Variants in RC3H1 observed in about 807,000 individuals in gnomAD.
RC3H1 encodes roquin-1.
A neutral mutation model predicts 138.2 loss-of-function variants in RC3H1; 50 were observed. That is an observed-to-expected ratio of 0.36 (90% CI 0.29 to 0.46). The LOEUF is 0.46. RC3H1 is among the 20% of genes least tolerant of loss of function. The pLI is 1.00. For synonymous variants in RC3H1, 462 were observed against 489.1 expected (o/e 0.94, Z 0.73); for missense variants, 1,031 against 1,388.1 (o/e 0.74, Z 4.09).
At chr1:173,944,139 C>T (rs1157185483) in intron 17 of RC3H1, among the ~76,000 whole-genome samples, 2 of 149,288 alleles carry the variant, frequency 1.3e-5, no homozygotes, top group Non-Finnish European at 3.0e-5. Flanking sequence ...ACTCCATGCA[C>T]TCCAGCCTGG....
chr1:173,956,130 CAA>C (rs552947734), intron 13 of RC3H1, among the ~76,000 whole-genome samples: 10 of 86,352 alleles, frequency 1.2e-4, no homozygotes, highest in Non-Finnish European at 1.9e-4. Flanking sequence ...GAGTCTGTCT[CAA>C]AAAAAAAAAA....
At chr1:173,956,158 A>G (rs1659640189) in intron 13 of RC3H1, among the ~76,000 whole-genome samples, 1 of 151,310 alleles carries the variant, frequency 6.6e-6, no homozygotes, top group African/African-American at 2.4e-5. Flanking sequence ...AAAAAAAAAG[A>G]AAAGAAAATT....
chr1:173,974,769 A>G (rs1557937597), intron 7 of RC3H1, among the ~76,000 whole-genome samples: 1 of 152,158 alleles, frequency 6.6e-6, no homozygotes, highest in East Asian at 1.9e-4. Context: ...GTTGATAGAA[A>G]GCCACAGGAG....
At chr1:173,945,060 T>C (rs1659074603) in intron 17 of RC3H1, among the ~76,000 whole-genome samples, 1 of 152,122 alleles carries the variant, frequency 6.6e-6, no homozygotes, top group Non-Finnish European at 1.5e-5. Flanking sequence ...TGTTCCAACG[T>C]AAAGGATGAT....
At chr1:173,993,918 G>A (rs1245343665) in intron 1 of RC3H1, among the ~76,000 whole-genome samples, 1 of 150,154 alleles carries the variant, frequency 6.7e-6, no homozygotes, top group Non-Finnish European at 1.5e-5. Flanking sequence ...TACTCAGGAG[G>A]CTGAGGCGGG....
At chr1:173,947,769 G>T (rs1344806418) in intron 14 of RC3H1, among the ~76,000 whole-genome samples, 187 bp from the exon 15 acceptor site, 1 of 152,056 alleles carries the variant, frequency 6.6e-6, no homozygotes, top group Non-Finnish European at 1.5e-5. Flanking sequence ...GGGCGACAGG[G>T]TCTCACACCG....
At position 173,984,515 on chromosome 1, in the gene RC3H1, C is replaced by A. The variant is rs750773386; in HGVS notation, c.336G>T (p.Pro112=). Residue 112 remains proline (P), a synonymous_variant, in exon 3 of 20, where the codon CCG becomes CCT. Coordinates refer to ENST00000367696, the MANE Select transcript of RC3H1 (RefSeq NM_172071.4). The part of the protein sequence containing the change: ...CVEELALYLK[P]LSSARGVGLN... The stretch of plus-strand genomic sequence containing the variant: ...CAAACTTACCTCTAGCACTGCTGAG[C>A]GGTTTTAAGTACAATGCTAATTCTT... 2 of 1,613,166 alleles carry A rather than the reference C, an allele frequency of 1.2e-6. No individual in the cohort carries two copies. The highest frequency in any genetic ancestry group is 1.7e-6 in the Non-Finnish European group (2 of 1,179,658).
rs1347398184 is a variant in RC3H1 at position 173,931,963 on chromosome 1, G to A, written c.*6758C>T. 3 of 151,462 alleles carry A rather than the reference G, an allele frequency of 2.0e-5. No homozygotes were observed. The highest frequency in any genetic ancestry group is 6.6e-5 in the Admixed American group (1 of 15,222). 9.4% of individuals were successfully genotyped at this position (151,462 alleles called of 1,614,324 possible). ...AGGCAAGAAAGAATAGGGAGCTGTG[G>A]CAATAAAAAAACAAAAAAATGCAAG... On this transcript the variant is annotated 3_prime_UTR_variant, in exon 20 of 20. Transcript: ENST00000367696.
rs182640761 is a variant in RC3H1 at position 173,931,254 on chromosome 1, A to G, written c.*7467T>C. On this transcript the variant is annotated 3_prime_UTR_variant, in exon 20 of 20. Coordinates refer to ENST00000367696, the MANE Select transcript of RC3H1 (RefSeq NM_172071.4). ...TCATTTAATATAAATGCTGACAGAA[A>G]GCAGATAAAGACCTTGTAGACATTT... 6.6e-6 allele frequency: 1 copy of G among 152,346 alleles called. No individual in the cohort carries two copies. Among genetic ancestry groups the G allele is most frequent in the East Asian group, 1.9e-4 (1 of 5,192 alleles). 9.4% of individuals were successfully genotyped at this position (152,346 alleles called of 1,614,324 possible).
At chr1:173,967,854 T>C (rs937345718) in intron 9 of RC3H1, among the ~76,000 whole-genome samples, 38 of 152,086 alleles carry the variant, frequency 2.5e-4, no homozygotes, top group African/African-American at 8.9e-4. Flanking sequence ...AAAAAATCTT[T>C]TCCTTCTTTC....
At chr1:173,978,771 C>T (rs1660683779) in intron 6 of RC3H1, 151 bp from the exon 7 acceptor site, 3 of 765,398 alleles carry the variant, frequency 3.9e-6, no homozygotes, top group Non-Finnish European at 6.0e-6. Flanking sequence ...TTACTTGCTA[C>T]CCAAATAAAT....
chr1:173,955,201 A>T (rs1321543578), intron 13 of RC3H1, among the ~76,000 whole-genome samples: 1 of 137,704 alleles, frequency 7.3e-6, no homozygotes, highest in African/African-American at 2.7e-5. Flanking sequence ...ACTCCAGCCC[A>T]GACGACAGTG....
chr1:173,945,167 A>C (rs934397603), intron 17 of RC3H1, among the ~76,000 whole-genome samples: 5 of 148,864 alleles, frequency 3.4e-5, no homozygotes, highest in Non-Finnish European at 5.9e-5. Context: ...TCTGTCACTC[A>C]GGCTGGAGTG....
At chr1:173,958,502 C>T (rs1325262460) in intron 13 of RC3H1, among the ~76,000 whole-genome samples, 2 of 151,582 alleles carry the variant, frequency 1.3e-5, no homozygotes, top group Non-Finnish European at 2.9e-5. Context: ...GCCGAGATCG[C>T]ACCACTGCAC....
In RC3H1 at chr1:174,017,820, T is replaced by C. The variant is rs544378203; in HGVS notation, c.-151+4276A>G. Among the ~76,000 whole-genome samples, 75 of 122,588 alleles carry C rather than the reference T, an allele frequency of 6.1e-4. 1 individual carries two copies. Among genetic ancestry groups the C allele is most frequent in the African/African-American group, 2.8e-3 (73 of 25,824 alleles). The allele number at this position is 122,588 out of a possible 152,430, so 80.4% of individuals were successfully genotyped here. A position where few individuals can be genotyped will look rare whatever the true frequency, so the allele number is the denominator to read the frequency against. On this transcript the variant is annotated intron_variant, in intron 1 of 19. Transcript: ENST00000367696. ...AAAAAAAAAAAAAAAACTGCTACCA[T>C]GTTCAAATGCTATTTAGATCTTGGA...
intron 2 of RC3H1, among the ~76,000 whole-genome samples, chr1:173,990,423 T>C (rs1661225119): frequency 1.3e-5 from 2 of 152,014 alleles, no homozygotes; most frequent in East Asian, 1.9e-4. Context: ...ATTTTTTTTA[T>C]GCTCTTGTAG....
chr1:173,961,903 A>G lies in RC3H1; in HGVS notation c.2024T>C (p.Val675Ala), dbSNP rs750181460. 1.1e-5 allele frequency: 18 copies of G among 1,613,864 alleles called. No homozygotes were observed. The highest frequency in any genetic ancestry group is 1.5e-5 in the Non-Finnish European group (18 of 1,180,002). ...IYPSHYDGRR[V>A]YPAPSYTREE... ...TCTTGTGTAAGACGGAGCAGGGTAC[A>G]CTCGACGGCCATCATAGTGAGATGG... Residue 675 changes from valine to alanine, a missense_variant, in exon 12 of 20, where the codon GTG (valine) becomes GCG (alanine). Around this residue, in one of 7 missense-constraint regions of RC3H1, gnomAD observed 716 missense variants for 837.9 expected, o/e 0.85. Transcript: ENST00000367696.
In RC3H1 at chr1:173,941,276, T is replaced by A. The variant is rs748463835; in HGVS notation, c.3240A>T (p.Thr1080=). The A allele has an allele frequency of 6.2e-7, 1 of 1,606,592 alleles. No individual in the cohort carries two copies. The highest frequency in any genetic ancestry group is 1.7e-5 in the Admixed American group (1 of 59,958). Residue 1080 remains threonine (T), a synonymous_variant, in exon 19 of 20, where the codon ACA becomes ACT. Coordinates refer to ENST00000367696, the MANE Select transcript of RC3H1 (RefSeq NM_172071.4). ...PQNKVPAEDL[T]LTFSDVPNGS... ...CTCCTTTTCTTTACCTGAATGTCAA[T>A]GTAAGGTCCTCAGCCGGAACCTTGT...
In RC3H1 at chr1:173,962,033, G is replaced by A. The variant is rs946007021; in HGVS notation, c.1894C>T (p.Pro632Ser). 1.2e-5 allele frequency: 20 copies of A among 1,614,034 alleles called. No homozygotes were observed. The highest frequency in any genetic ancestry group is 4.0e-5 in the African/African-American group (3 of 74,924). Residue 632 changes from proline (P) to serine (S), a missense_variant, in exon 12 of 20, where the codon CCT (proline) becomes TCT (serine). Coordinates refer to ENST00000367696, the MANE Select transcript of RC3H1 (RefSeq NM_172071.4). ...TCCAAGTAGGGAGGAGCAGGTTCAG[G>A]AGCAGATGGTGGAGGTCGGACAAAG... ...SRFVRPPPSA[P>S]EPAPPYLDHY...
Sources: gnomAD v4.1 joint callset for allele counts (sites outside exome capture counted in the v4.1 genomes callset) on GRCh38, gnomAD v4.1.1 for gene constraint, gnomAD v4.1.1 regional missense constraint, MANE v1.5 for transcripts, NCBI Gene and HGNC (gene_info 2026-07-23, HGNC 2026-07-21) for gene names.